Variants in MID1 observed in about 807,000 individuals in gnomAD.
MID1 encodes midline 1.
MID1 carries 7 observed loss-of-function variants against 40.4 expected under a neutral mutation model. The observed-to-expected ratio is 0.17, with a 90% CI of 0.10 to 0.33. The LOEUF (loss-of-function observed/expected upper bound fraction) is 0.33. MID1 is among the 10% of genes least tolerant of loss of function. MID1 has a pLI of 1.00. For missense variants in MID1, 367 were observed against 558.5 expected (o/e 0.66, Z 3.46); for synonymous variants, 229 against 221.2 (o/e 1.04, Z -0.31).
At chrX:10,584,448 GT>G (rs758664212) in intron 1 of MID1, among the ~76,000 whole-genome samples, 103 of 112,006 alleles carry the variant, frequency 9.2e-4, no homozygotes, top group Non-Finnish European at 1.8e-3. Flanking sequence ...AGAGGCATTG[GT>G]TTTGTCAGTA....
chrX:10,451,160 A>G (rs746513011), intron 9 of MID1, among the ~76,000 whole-genome samples: 3 of 110,883 alleles, frequency 2.7e-5, no homozygotes, highest in Admixed American at 9.5e-5. Context: ...TCTGTCATCA[A>G]TGTTGCATCC....
rs368866540 is a variant in MID1, at chrX:10,641,951, C to T, written c.-186-21532G>A. Among the ~76,000 whole-genome samples the T allele has an allele frequency of 7.9e-4, 88 of 111,702 alleles. No homozygotes were observed. In the South Asian group the frequency reaches 0.012, roughly 16 times the overall value. ...TCTCAATAGATGCAGAAAAGGCCTT[C>T]GACAAAATTCAACAACACTTCATGC... On this transcript the variant is annotated intron_variant, in intron 1 of 10. Coordinates refer to the MID1 transcript ENST00000380785.
At chrX:10,686,128 T>C (rs181027834) in intron 1 of MID1, among the ~76,000 whole-genome samples, 259 of 111,483 alleles carry the variant, frequency 2.3e-3, no homozygotes, top group Non-Finnish European at 3.5e-3. Flanking sequence ...GTCTGGGGCA[T>C]TGGGATGTGA....
intron 1 of MID1, among the ~76,000 whole-genome samples, chrX:10,679,526 T>C (rs1209335554): frequency 8.9e-6 from 1 of 111,923 alleles, no homozygotes; most frequent in Non-Finnish European, 1.9e-5. Context: ...TACACAGCCA[T>C]GTCCGTTCAT....
intron 3 of MID1, chrX:10,505,749 C>T (rs1431559399): frequency 2.3e-5 from 17 of 751,084 alleles, no homozygotes; most frequent in Non-Finnish European, 2.7e-5. Flanking sequence ...AAAGAGGAAA[C>T]CTCTACTCTA....
intron 1 of MID1, among the ~76,000 whole-genome samples, chrX:10,665,230 C>A (rs2042941864): frequency 8.9e-6 from 1 of 112,118 alleles, no homozygotes; most frequent in African/African-American, 3.2e-5. Context: ...ACAACTATTT[C>A]AAAAAAATCT....
intron 1 of MID1, among the ~76,000 whole-genome samples, chrX:10,777,253 C>A (rs1446447782): frequency 2.8e-5 from 2 of 70,793 alleles, no homozygotes; most frequent in African/African-American, 1.1e-4. Flanking sequence ...GGCTGGAGTG[C>A]AGTGGCACTA....
chrX:10,790,867 T>C (rs1453709452), intron 1 of MID1, among the ~76,000 whole-genome samples: 1 of 112,418 alleles, frequency 8.9e-6, no homozygotes, highest in Non-Finnish European at 1.9e-5. Context: ...TGAGCTCTTA[T>C]CATATTTTAT....
At chrX:10,660,420 C>T (rs1030943421) in intron 1 of MID1, among the ~76,000 whole-genome samples, 3 of 112,289 alleles carry the variant, frequency 2.7e-5, no homozygotes, top group East Asian at 5.6e-4. Flanking sequence ...TGGGGCCTTT[C>T]CCCCTTGACA....
intron 1 of MID1, among the ~76,000 whole-genome samples, chrX:10,803,541 C>G (rs962849320): frequency 9.1e-6 from 1 of 109,971 alleles, no homozygotes; most frequent in African/African-American, 3.3e-5. Context: ...TTAGTAGAGA[C>G]GGGGTTTCAT....
At chrX:10,811,264 G>A (rs746055103) in intron 1 of MID1, among the ~76,000 whole-genome samples, 39 of 112,196 alleles carry the variant, frequency 3.5e-4, no homozygotes, top group Non-Finnish European at 5.6e-4. Context: ...ATTACTGAGT[G>A]CAGTTCGGGT....
intron 1 of MID1, among the ~76,000 whole-genome samples, chrX:10,573,582 G>A (rs1481126083): frequency 3.6e-5 from 4 of 112,067 alleles, no homozygotes; most frequent in Admixed American, 9.4e-5. Flanking sequence ...TTCAACATGA[G>A]TTTTGGTGGG....
At chrX:10,712,997 C>A (rs765748983) in intron 1 of MID1, among the ~76,000 whole-genome samples, 9 of 110,562 alleles carry the variant, frequency 8.1e-5, no homozygotes, top group African/African-American at 2.6e-4. Context: ...CCACCACACC[C>A]GGCTAATTTT....
rs370470641 is a variant in MID1 at position 10,542,047 on chromosome X, C to T, written c.661-18860G>A. ...ATAGAATGGAATTTGGCAAAATCAA[C>T]GGCCATTTAAAATGGTTAACAAACC... On this transcript the variant is annotated intron_variant, in intron 2 of 9. Coordinates refer to ENST00000317552, the MANE Select transcript of MID1 (RefSeq NM_000381.4). Among the ~76,000 whole-genome samples, 24 of 112,128 alleles carry T rather than the reference C, an allele frequency of 2.1e-4. No individual in the cohort carries two copies. In the South Asian group the frequency reaches 4.5e-3, roughly 21 times the overall value.
At chrX:10,503,060 T>A (rs1931638928) in intron 3 of MID1, among the ~76,000 whole-genome samples, 1 of 111,270 alleles carries the variant, frequency 9.0e-6, no homozygotes, top group African/African-American at 3.3e-5. Context: ...GGCCTGTGGA[T>A]GAGGGTACAG....
intron 1 of MID1, among the ~76,000 whole-genome samples, chrX:10,574,933 T>C (rs757476872): frequency 1.8e-5 from 2 of 112,534 alleles, no homozygotes; most frequent in Non-Finnish European, 3.8e-5. Flanking sequence ...CTCTGGACTA[T>C]AGAGACTAAC....
intron 2 of MID1, among the ~76,000 whole-genome samples, chrX:10,537,477 C>T (rs1933304390): frequency 8.9e-6 from 1 of 112,299 alleles, no homozygotes; most frequent in South Asian, 3.7e-4. Flanking sequence ...GGCAGTGTCA[C>T]ATGACATCAG....
chrX:10,681,859 G>C (rs893792204), intron 1 of MID1, among the ~76,000 whole-genome samples: 4 of 112,251 alleles, frequency 3.6e-5, no homozygotes, highest in African/African-American at 1.3e-4. Flanking sequence ...TGAATGCTGA[G>C]TTGGCAGTGT....
chrX:10,689,584 T>G (rs1245754372), intron 1 of MID1, among the ~76,000 whole-genome samples: 2 of 111,840 alleles, frequency 1.8e-5, no homozygotes, highest in Non-Finnish European at 3.8e-5. Context: ...CCAAAACTTA[T>G]GTCCACACCT....
Sources: gnomAD v4.1 joint callset for allele counts (sites outside exome capture counted in the v4.1 genomes callset) on GRCh38, gnomAD v4.1.1 for gene constraint, MANE v1.5 for transcripts, NCBI Gene and HGNC (gene_info 2026-07-23, HGNC 2026-07-21) for gene names.